The following SLC24A2 variants were observed in gnomAD, a reference collection of about 807,000 sequenced individuals.
SLC24A2 encodes the protein sodium/potassium/calcium exchanger 2.
In SLC24A2, 36 loss-of-function variants were observed where a neutral mutation model predicts 62.0. The observed-to-expected ratio is 0.58, with a 90% CI of 0.44 to 0.77. The LOEUF (loss-of-function observed/expected upper bound fraction) is 0.77. Among genes scored for constraint, SLC24A2 ranks in the 30% least tolerant of loss-of-function variants. SLC24A2 has a pLI of 0.00. For missense variants in SLC24A2, 846 were observed against 817.9 expected, an observed-to-expected ratio of 1.03 and a Z score of -0.42; for synonymous variants, 358 against 294.0, an observed-to-expected ratio of 1.22 and a Z score of -2.23.
At chr9:19,551,665 C>T (rs1182119809) in intron 7 of SLC24A2, among the ~76,000 whole-genome samples, 3 of 152,282 alleles carry the variant, frequency 2.0e-5, no homozygotes, top group Non-Finnish European at 4.4e-5. Context: ...ACTTTTCAAA[C>T]AGTAACAGCG....
At chr9:19,771,641 G>A (rs1009084928) in intron 2 of SLC24A2, among the ~76,000 whole-genome samples, 2 of 152,124 alleles carry the variant, frequency 1.3e-5, no homozygotes, top group African/African-American at 4.8e-5. Flanking sequence ...ACGAGAGCGA[G>A]GATGTTTCCT....
intron 2 of SLC24A2, among the ~76,000 whole-genome samples, chr9:19,759,537 GC>G (rs1822248724): frequency 6.6e-6 from 1 of 152,180 alleles, no homozygotes; most frequent in Non-Finnish European, 1.5e-5. Flanking sequence ...CAGCATTGCA[GC>G]CATATGGACA....
the SLC24A2 span, among the ~76,000 whole-genome samples, chr9:20,216,217 C>T: frequency 4.6e-5 from 7 of 152,282 alleles, no homozygotes; most frequent in African/African-American, 9.6e-5. Context: ...CGTTGTATCC[C>T]GTTTGCCTCA....
chr9:19,657,956 A>T (rs186202365), intron 2 of SLC24A2, among the ~76,000 whole-genome samples: 1 of 152,194 alleles, frequency 6.6e-6, no homozygotes, highest in Non-Finnish European at 1.5e-5. Flanking sequence ...AGAACTTCTT[A>T]TGAGTCTTAA....
the SLC24A2 span, among the ~76,000 whole-genome samples, chr9:20,265,840 T>C: frequency 6.6e-5 from 10 of 152,286 alleles, no homozygotes; most frequent in East Asian, 1.9e-3. Flanking sequence ...GAACATTCCT[T>C]AGAAAGAGAA....
At chr9:19,710,151 G>A (rs1255148871) in intron 2 of SLC24A2, among the ~76,000 whole-genome samples, 2 of 152,114 alleles carry the variant, frequency 1.3e-5, no homozygotes, top group Admixed American at 1.3e-4. Context: ...AACTCCATTT[G>A]TAATAAAGCC....
chr9:20,095,308 T>C, the SLC24A2 span, among the ~76,000 whole-genome samples: 1 of 152,224 alleles, frequency 6.6e-6, no homozygotes, highest in East Asian at 1.9e-4. Flanking sequence ...ATTTGGAACC[T>C]GTGATGGTTA....
chr9:20,246,543 T>C, the SLC24A2 span, among the ~76,000 whole-genome samples: 6 of 152,166 alleles, frequency 3.9e-5, no homozygotes, highest in Non-Finnish European at 7.4e-5. Context: ...AATAATAAAA[T>C]AAATATATCT....
At chr9:20,092,627 A>G in the SLC24A2 span, among the ~76,000 whole-genome samples, 4 of 152,304 alleles carry the variant, frequency 2.6e-5, no homozygotes, top group African/African-American at 7.2e-5. Flanking sequence ...TTCATATTCA[A>G]GGTGTACAAT....
chr9:19,717,158 G>C (rs1820883820), intron 2 of SLC24A2, among the ~76,000 whole-genome samples: 1 of 152,244 alleles, frequency 6.6e-6, no homozygotes, highest in African/African-American at 2.4e-5. Context: ...GGCAGAATTA[G>C]AAGGTAACAG....
chr9:19,674,534 C>T (rs1819509030), intron 2 of SLC24A2, among the ~76,000 whole-genome samples: 1 of 152,174 alleles, frequency 6.6e-6, no homozygotes, highest in Non-Finnish European at 1.5e-5. Context: ...TAATCCCAAA[C>T]TTCTTGGAGG....
At chr9:19,532,677 C>G (rs1426117705) in intron 8 of SLC24A2, among the ~76,000 whole-genome samples, 4 of 152,294 alleles carry the variant, frequency 2.6e-5, no homozygotes, top group Admixed American at 2.0e-4. Flanking sequence ...TTGCGTCTTT[C>G]TAGCTGGGTG....
the SLC24A2 span, among the ~76,000 whole-genome samples, chr9:20,123,914 A>G: frequency 0.11 from 16,584 of 152,232 alleles, 1,666 homozygotes; most frequent in East Asian, 0.56. Flanking sequence ...AATGCAAAGT[A>G]TAGTGCTCAC....
the SLC24A2 span, among the ~76,000 whole-genome samples, chr9:20,139,256 G>A: frequency 3.9e-5 from 6 of 152,144 alleles, no homozygotes; most frequent in East Asian, 5.8e-4. Flanking sequence ...TCTGGAGGCC[G>A]ACTGCCTGTA....
At chr9:19,816,555 A>G in the SLC24A2 span, among the ~76,000 whole-genome samples, 1 of 152,082 alleles carries the variant, frequency 6.6e-6, no homozygotes, top group Non-Finnish European at 1.5e-5. Context: ...AACACCCAAG[A>G]CTGGGTAATT....
intron 4 of SLC24A2, among the ~76,000 whole-genome samples, chr9:19,601,847 G>A (rs1208087328): frequency 6.6e-6 from 1 of 152,132 alleles, no homozygotes; most frequent in Non-Finnish European, 1.5e-5. Context: ...AATACTAGTT[G>A]TATTCTAGAA....
chr9:19,532,442 T>A (rs1197561020), intron 8 of SLC24A2, among the ~76,000 whole-genome samples: 1 of 152,208 alleles, frequency 6.6e-6, no homozygotes, highest in Non-Finnish European at 1.5e-5. Flanking sequence ...CCGAATAGAA[T>A]GTAAATGCTA....
the SLC24A2 span, among the ~76,000 whole-genome samples, chr9:20,262,745 T>C: frequency 6.6e-6 from 1 of 152,236 alleles, no homozygotes; most frequent in African/African-American, 2.4e-5. Context: ...CCTGGCTCCC[T>C]GAATGAACTC....
chr9:20,242,904 C>T, the SLC24A2 span, among the ~76,000 whole-genome samples: 1 of 152,168 alleles, frequency 6.6e-6, no homozygotes, highest in African/African-American at 2.4e-5. Flanking sequence ...GCCTGTTCTT[C>T]AGCCTTTGAA....
Sources: gnomAD v4.1 joint callset for allele counts (sites outside exome capture counted in the v4.1 genomes callset) on GRCh38, gnomAD v4.1.1 for gene constraint, MANE v1.5 for transcripts, NCBI Gene and HGNC (gene_info 2026-07-23, HGNC 2026-07-21) for gene names.